The following INPP4B variants were observed in gnomAD, a reference collection of about 807,000 sequenced individuals.
INPP4B encodes inositol polyphosphate-4-phosphatase type II B, also known as inositol polyphosphate 4-phosphatase type II.
In INPP4B, 55 loss-of-function variants were observed where a neutral mutation model predicts 122.5. The observed-to-expected ratio is 0.45, with a 90% CI of 0.36 to 0.56. The LOEUF is 0.56. INPP4B is among the 20% of genes least tolerant of loss of function. The probability of loss-of-function intolerance (pLI) is 0.00; values close to 1 mark genes in which losing one functional copy is unlikely to be tolerated. For missense variants in INPP4B, 1,000 were observed against 1,097.7 expected, an observed-to-expected ratio of 0.91 and a Z score of 1.26; for synonymous variants, 403 against 388.7, an observed-to-expected ratio of 1.04 and a Z score of -0.43.
intron 12 of INPP4B, among the ~76,000 whole-genome samples, chr4:142,216,032 T>C (rs187327526): frequency 1.5e-4 from 22 of 151,342 alleles, no homozygotes; most frequent in Admixed American, 1.1e-3. Context: ...AATGCTTTTT[T>C]AAATTCATAT....
intron 7 of INPP4B, among the ~76,000 whole-genome samples, chr4:142,336,320 A>G (rs753436443): frequency 6.6e-6 from 1 of 152,132 alleles, no homozygotes; most frequent in Non-Finnish European, 1.5e-5. Context: ...GGGAGAAAAT[A>G]CCGCTGGGGG....
chr4:142,381,554 A>G (rs1794088472), intron 7 of INPP4B, among the ~76,000 whole-genome samples: 1 of 152,134 alleles, frequency 6.6e-6, no homozygotes, highest in Non-Finnish European at 1.5e-5. Flanking sequence ...TGTTTAGATT[A>G]CGATACAGTC....
At chr4:142,154,869 T>C (rs148598013) in intron 17 of INPP4B, among the ~76,000 whole-genome samples, 4 of 152,202 alleles carry the variant, frequency 2.6e-5, no homozygotes, top group African/African-American at 9.6e-5. Flanking sequence ...AGACATTGTT[T>C]TTTTCCTATC....
chr4:142,607,068 A>AC (rs1262364518), intron 2 of INPP4B, among the ~76,000 whole-genome samples: 1 of 151,924 alleles, frequency 6.6e-6, no homozygotes, highest in African/African-American at 2.4e-5. Context: ...TTTCTATTTT[A>AC]CATATATGGT....
rs181557918 is a variant in INPP4B, at chr4:142,035,451, A to G, written c.2643-6537T>C. The stretch of plus-strand genomic sequence containing the variant: ...TTCTCTAGAATCTTTTTAACTAGAT[A>G]AAGATACTATTCACCTAGAACCTTT... On this transcript the variant is annotated intron_variant, in intron 25 of 25. Coordinates refer to ENST00000262992, the MANE Select transcript of INPP4B (RefSeq NM_001101669.3). Among the ~76,000 whole-genome samples the G allele has an allele frequency of 3.3e-5, 5 of 152,300 alleles. No individual in the cohort carries two copies. The East Asian group carries it at 9.7e-4, about 29-fold the overall frequency.
chr4:142,748,637 C>A (rs1769156193), intron 1 of INPP4B, among the ~76,000 whole-genome samples: 1 of 151,104 alleles, frequency 6.6e-6, no homozygotes, highest in South Asian at 2.1e-4. Flanking sequence ...TGGACATTTC[C>A]TAAACAACTC....
At chr4:142,213,945 A>G (rs1453493523) in intron 12 of INPP4B, among the ~76,000 whole-genome samples, 1 of 152,230 alleles carries the variant, frequency 6.6e-6, no homozygotes, top group Non-Finnish European at 1.5e-5. Flanking sequence ...GCAGTAGGAC[A>G]GATGATAGAA....
intron 9 of INPP4B, among the ~76,000 whole-genome samples, chr4:142,291,028 CA>C (rs1756259988): frequency 6.6e-6 from 1 of 152,050 alleles, no homozygotes; most frequent in South Asian, 2.1e-4. Flanking sequence ...TTAGAAGTCC[CA>C]ATTATAGATG....
intron 2 of INPP4B, among the ~76,000 whole-genome samples, chr4:142,675,738 G>A (rs965578499): frequency 1.3e-5 from 2 of 152,058 alleles, no homozygotes; most frequent in African/African-American, 4.8e-5. Context: ...CAGAACCAAT[G>A]ACAAAAATCA....
chr4:142,657,076 C>T (rs906220999), intron 2 of INPP4B, among the ~76,000 whole-genome samples: 1 of 152,144 alleles, frequency 6.6e-6, no homozygotes, highest in African/African-American at 2.4e-5. Context: ...GTTTTCCTAG[C>T]CCTGTCTCTT....
At chr4:142,290,049 A>T (rs79650119) in intron 9 of INPP4B, among the ~76,000 whole-genome samples, 2,355 of 152,032 alleles carry the variant, frequency 0.015, 69 homozygotes, top group African/African-American at 0.053. Context: ...TTCTGATCCC[A>T]ACACAGCATA....
intron 2 of INPP4B, among the ~76,000 whole-genome samples, chr4:142,695,015 A>G (rs1222145937): frequency 3.9e-5 from 6 of 152,166 alleles, no homozygotes; most frequent in African/African-American, 1.4e-4. Flanking sequence ...TTCTGCACCT[A>G]TAAAGTCAAG....
chr4:142,702,007 G>C (rs1220434137), intron 2 of INPP4B, among the ~76,000 whole-genome samples: 2 of 152,082 alleles, frequency 1.3e-5, no homozygotes, highest in Non-Finnish European at 2.9e-5. Context: ...CAGACTACTG[G>C]AAAGAGTTAG....
At chr4:142,728,559 A>T (rs1416049737) in intron 1 of INPP4B, among the ~76,000 whole-genome samples, 1 of 152,198 alleles carries the variant, frequency 6.6e-6, no homozygotes, top group East Asian at 1.9e-4. Flanking sequence ...CAACCTTATA[A>T]GAAGAGATGA....
intron 7 of INPP4B, among the ~76,000 whole-genome samples, chr4:142,362,837 G>A (rs527664796): frequency 1.8e-4 from 28 of 152,044 alleles, no homozygotes; most frequent in Middle Eastern, 3.4e-3. Context: ...TTTTCCAAAC[G>A]GAAGGAAGGA....
chr4:142,261,070 T>C (rs2150392737), intron 10 of INPP4B, among the ~76,000 whole-genome samples: 1 of 152,338 alleles, frequency 6.6e-6, no homozygotes, highest in Middle Eastern at 3.4e-3. Flanking sequence ...ATGAGGATCA[T>C]TTATAAATAA....
At chr4:142,401,358 A>G (rs1270090909) in intron 7 of INPP4B, among the ~76,000 whole-genome samples, 2 of 152,144 alleles carry the variant, frequency 1.3e-5, no homozygotes, top group African/African-American at 4.8e-5. Flanking sequence ...CCTTTTTCAC[A>G]TTACCTCAAA....
In INPP4B at chr4:142,788,707, G is replaced by A. The variant is rs543823235; in HGVS notation, c.-254+57502C>T. Among the ~76,000 whole-genome samples, 4 of 152,222 alleles carry A rather than the reference G, an allele frequency of 2.6e-5. 1 individual carries two copies. Among genetic ancestry groups the A allele is most frequent in the Admixed American group, 1.3e-4 (2 of 15,262 alleles). ...TAGCTTAGCTCTCACTTATGAGTGA[G>A]AACATATGATGTTTGGTTTTCCATT... On this transcript the variant is annotated intron_variant, in intron 1 of 25. Coordinates refer to ENST00000262992, the MANE Select transcript of INPP4B (RefSeq NM_001101669.3).
At chr4:142,418,164 T>G (rs1251909941) in intron 5 of INPP4B, among the ~76,000 whole-genome samples, 3 of 152,154 alleles carry the variant, frequency 2.0e-5, no homozygotes, top group Admixed American at 6.6e-5. Context: ...GCCAAAAGAC[T>G]CTATTTCTCT....
Sources: allele counts gnomAD v4.1 joint callset (sites outside exome capture counted in the v4.1 genomes callset), GRCh38; gene constraint gnomAD v4.1.1; transcripts MANE v1.5; gene names NCBI Gene and HGNC (gene_info 2026-07-23, HGNC 2026-07-21).